The following MAD1L1 variants were observed in gnomAD, a reference collection of about 807,000 sequenced individuals.
MAD1L1 encodes mitotic spindle assembly checkpoint protein MAD1.
MAD1L1 carries 95 observed loss-of-function variants against 96.9 expected under a neutral mutation model. The observed-to-expected ratio is 0.98, with a 90% CI of 0.83 to 1.16. The LOEUF (loss-of-function observed/expected upper bound fraction) is 1.16, where lower values mean the gene tolerates loss of function less well. Ranked by LOEUF, MAD1L1 falls within the 50% of genes most tolerant of loss-of-function variation. MAD1L1 has a pLI of 0.00. For synonymous variants in MAD1L1, 473 were observed against 396.6 expected, an observed-to-expected ratio of 1.19 and a Z score of -2.29; for missense variants, 1,007 against 954.4, an observed-to-expected ratio of 1.06 and a Z score of -0.73.
At chr7:2,225,613 A>C (rs1167113865) in intron 3 of MAD1L1, 63 bp from the exon 4 acceptor site, 2 of 1,565,110 alleles carry the variant, frequency 1.3e-6, no homozygotes, top group South Asian at 1.1e-5. Flanking sequence ...CAGGTGAGTG[A>C]CTCAGTGCAG....
chr7:1,871,437 C>T (rs1482209832), intron 18 of MAD1L1, among the ~76,000 whole-genome samples: 2 of 148,072 alleles, frequency 1.4e-5, no homozygotes, highest in African/African-American at 2.5e-5. Flanking sequence ...CTGAACCCAC[C>T]GTAACACCTG....
At chr7:2,201,742 A>C (rs1476983306) in intron 10 of MAD1L1, 2 of 152,252 alleles carry the variant, frequency 1.3e-5, no homozygotes, top group East Asian at 1.9e-4. Flanking sequence ...GCAGGGGTGG[A>C]GCCCAACGGT....
intron 14 of MAD1L1, among the ~76,000 whole-genome samples, chr7:2,001,283 A>ACACG (rs966870620): frequency 5.3e-5 from 8 of 152,282 alleles, no homozygotes; most frequent in African/African-American, 1.4e-4. Flanking sequence ...ACATGCAGAC[A>ACACG]CACGCACGCA....
At chr7:2,170,768 G>T (rs1457836587) in intron 10 of MAD1L1, among the ~76,000 whole-genome samples, 1 of 152,162 alleles carries the variant, frequency 6.6e-6, no homozygotes, top group Admixed American at 6.5e-5. Flanking sequence ...TCCCAGGAAG[G>T]CAAGGAGAGG....
At chr7:1,820,459 GCTT>G (rs1460757650) in intron 18 of MAD1L1, among the ~76,000 whole-genome samples, 2 of 150,774 alleles carry the variant, frequency 1.3e-5, no homozygotes, top group Admixed American at 1.3e-4. Flanking sequence ...ACCAAAAACT[GCTT>G]CTTTAAAAAA....
chr7:2,226,854 G>A (rs1279626428), intron 3 of MAD1L1, among the ~76,000 whole-genome samples: 4 of 151,960 alleles, frequency 2.6e-5, no homozygotes, highest in Non-Finnish European at 5.9e-5. Flanking sequence ...GCTGGTCGTG[G>A]TGGTACGCAC....
rs560486612 is a variant in MAD1L1, at chr7:2,086,856, A to G, written c.1074-17518T>C. Among the ~76,000 whole-genome samples, 5 of 152,340 alleles carry G rather than the reference A, an allele frequency of 3.3e-5. No individual in the cohort carries two copies. In the South Asian group the frequency reaches 1.0e-3, roughly 32 times the overall value. ...AGGCATGAGCCACCGCGCCCAGCAC[A>G]ATTGCTGTTATCTTCTGCGACTAAA... On this transcript the variant is annotated intron_variant, in intron 11 of 18. Transcript: ENST00000265854.
At chr7:2,192,718 T>C (rs1400329434) in intron 10 of MAD1L1, among the ~76,000 whole-genome samples, 1 of 152,102 alleles carries the variant, frequency 6.6e-6, no homozygotes, top group East Asian at 1.9e-4. Context: ...TAAACTAACG[T>C]CATGCCCCAA....
chr7:1,883,752 G>C (rs1262410646), intron 18 of MAD1L1, among the ~76,000 whole-genome samples: 1 of 152,208 alleles, frequency 6.6e-6, no homozygotes, highest in Admixed American at 6.5e-5. Context: ...CAGTCTGTGT[G>C]CCCCAGGCCG....
intron 17 of MAD1L1, among the ~76,000 whole-genome samples, chr7:1,910,324 C>A (rs1486881593): frequency 6.6e-6 from 1 of 152,186 alleles, no homozygotes; most frequent in East Asian, 1.9e-4. Context: ...GTGGCACCTG[C>A]TGAATGGACA....
At chr7:2,218,119 G>A (rs566140040) in intron 6 of MAD1L1, 76 bp from the exon 7 acceptor site, 30 of 1,114,338 alleles carry the variant, frequency 2.7e-5, no homozygotes, top group Admixed American at 1.2e-4. Context: ...CCTGAGACCC[G>A]CCCCAGCACA....
At chr7:2,068,200 C>T (rs1211816783) in intron 12 of MAD1L1, among the ~76,000 whole-genome samples, 2 of 152,246 alleles carry the variant, frequency 1.3e-5, no homozygotes, top group African/African-American at 2.4e-5. Context: ...CTGAGCTATG[C>T]GCAGGGGCCA....
At chr7:2,221,832 C>T (rs918357544) in intron 5 of MAD1L1, among the ~76,000 whole-genome samples, 6 of 152,134 alleles carry the variant, frequency 3.9e-5, no homozygotes, top group African/African-American at 9.7e-5. Context: ...GGGAAGGCTA[C>T]GGGGAAATTG....
intron 10 of MAD1L1, among the ~76,000 whole-genome samples, chr7:2,158,029 G>A (rs1416652125): frequency 2.0e-5 from 3 of 152,230 alleles, no homozygotes; most frequent in East Asian, 1.9e-4. Flanking sequence ...GAGATGACAC[G>A]GCAGTGACAG....
rs1583946249 is a variant in MAD1L1 at position 1,968,336 on chromosome 7, A to C, written c.1506-10617T>G. Among the ~76,000 whole-genome samples the C allele has an allele frequency of 7.2e-6, 1 of 138,194 alleles. No homozygotes were observed. Among genetic ancestry groups the C allele is most frequent in the African/African-American group, 2.8e-5 (1 of 35,836 alleles). The allele number at this position is 138,194 out of a possible 152,430, so 90.7% of individuals were successfully genotyped here. On this transcript the variant is annotated intron_variant, in intron 15 of 18. Transcript: ENST00000265854. This position sits in a 1 kb window ranked among gnomAD's most constrained non-coding sequence, Gnocchi z 5.6. ...AACGCCTCAGTCTGGTGGTCAGGTCAACCGTCCACACCTCAGTCCAGTGGT... is the reference window on the plus strand; with the variant it reads ...AACGCCTCAGTCTGGTGGTCAGGTCCACCGTCCACACCTCAGTCCAGTGGT...
At position 2,029,366 on chromosome 7, in the gene MAD1L1, A is replaced by G. The variant is rs1426852639; in HGVS notation, c.1219-14724T>C. The stretch of plus-strand genomic sequence containing the variant: ...TTCACAACATTTTTAAATGGGCAGA[A>G]CTGGCGTGTGAGAATCGGGAAGGCA... On this transcript the variant is annotated intron_variant, in intron 12 of 18. Coordinates refer to ENST00000265854, the MANE Select transcript of MAD1L1 (RefSeq NM_001013836.2). Among the ~76,000 whole-genome samples the G allele has an allele frequency of 2.0e-5, 3 of 152,312 alleles. No homozygotes were observed. In the East Asian group the frequency reaches 5.8e-4, roughly 29 times the overall value.
intron 11 of MAD1L1, among the ~76,000 whole-genome samples, chr7:2,128,208 T>C (rs1037410243): frequency 1.3e-5 from 2 of 152,140 alleles, no homozygotes; most frequent in Admixed American, 1.3e-4. Context: ...TCTTTAGAGT[T>C]CTCTGGTCCC....
At chr7:2,087,999 C>A (rs1786010906) in intron 11 of MAD1L1, among the ~76,000 whole-genome samples, 1 of 152,226 alleles carries the variant, frequency 6.6e-6, no homozygotes, top group Admixed American at 6.5e-5. Context: ...TCCCCTCTCA[C>A]AGCTAACTGG....
At chr7:2,022,705 A>T (rs1782840528) in intron 12 of MAD1L1, among the ~76,000 whole-genome samples, 2 of 152,374 alleles carry the variant, frequency 1.3e-5, no homozygotes, top group South Asian at 2.1e-4. Flanking sequence ...CATGGCAGGT[A>T]TTAACAGTAT....
Sources: gnomAD v4.1 joint callset for allele counts (sites outside exome capture counted in the v4.1 genomes callset) on GRCh38, gnomAD v4.1.1 for gene constraint, Gnocchi (gnomAD v3.1) non-coding constraint, MANE v1.5 for transcripts, NCBI Gene and HGNC (gene_info 2026-07-23, HGNC 2026-07-21) for gene names.